The following DPP8 variants were observed in gnomAD, a reference collection of about 807,000 sequenced individuals.
DPP8 encodes DPP VIII.
In DPP8, 31 loss-of-function variants were observed where a neutral mutation model predicts 107.5. The observed-to-expected ratio is 0.29, with a 90% CI of 0.22 to 0.39. The LOEUF is 0.39. Ranked by LOEUF, DPP8 falls within the 10% of genes least tolerant of loss-of-function variation. DPP8 has a pLI of 1.00. For missense variants in DPP8, 842 were observed against 1,076.1 expected (o/e 0.78, Z 3.04); for synonymous variants, 381 against 356.6 (o/e 1.07, Z -0.77).
intron 3 of DPP8, among the ~76,000 whole-genome samples, chr15:65,502,387 A>G (rs989252150): frequency 4.6e-5 from 7 of 152,018 alleles, no homozygotes; most frequent in African/African-American, 1.7e-4. Context: ...TCTCTCAAAG[A>G]AAGTTTGTGG....
At chr15:65,493,050 TTTTC>T (rs1260590786) in intron 5 of DPP8, among the ~76,000 whole-genome samples, 4 of 152,090 alleles carry the variant, frequency 2.6e-5, no homozygotes, top group East Asian at 1.9e-4. Flanking sequence ...GGGAGAGCTC[TTTTC>T]TTTCTTTTCT....
intron 11 of DPP8, among the ~76,000 whole-genome samples, chr15:65,478,551 C>T (rs1394106255): frequency 2.0e-5 from 3 of 152,296 alleles, no homozygotes; most frequent in South Asian, 2.1e-4. Flanking sequence ...TGAGCCACTG[C>T]ACCCAGCCAA....
intron 9 of DPP8, among the ~76,000 whole-genome samples, 178 bp downstream of exon 9, chr15:65,481,337 T>C (rs1334322887): frequency 3.3e-5 from 5 of 152,206 alleles, no homozygotes; most frequent in Non-Finnish European, 7.3e-5. Flanking sequence ...CCTATGCCTA[T>C]AGGATTACAA....
intron 14 of DPP8, among the ~76,000 whole-genome samples, chr15:65,465,448 A>C (rs937291101): frequency 6.6e-6 from 1 of 150,900 alleles, no homozygotes; most frequent in African/African-American, 2.4e-5. Context: ...GATTACAGGC[A>C]TGAGCCACTA....
chr15:65,448,225 A>G (rs1167740505), intron 19 of DPP8, among the ~76,000 whole-genome samples: 1 of 151,984 alleles, frequency 6.6e-6, no homozygotes, highest in Admixed American at 6.6e-5. Context: ...TTTAAAAAAA[A>G]TAAATAAAAA....
intron 15 of DPP8, 22 bp downstream of exon 15, chr15:65,463,739 A>G: frequency 6.3e-7 from 1 of 1,584,112 alleles, no homozygotes; most frequent in South Asian, 1.1e-5. Context: ...GTGTATGTAT[A>G]TATGTATATA....
At chr15:65,473,686 T>G (rs551995166) in intron 12 of DPP8, among the ~76,000 whole-genome samples, 17 of 152,034 alleles carry the variant, frequency 1.1e-4, no homozygotes, top group Non-Finnish European at 1.5e-4. Context: ...GAAAAGAAAA[T>G]AACCTTTGGT....
intron 15 of DPP8, among the ~76,000 whole-genome samples, chr15:65,457,126 G>A (rs1042161172): frequency 3.3e-5 from 5 of 152,094 alleles, no homozygotes; most frequent in African/African-American, 4.8e-5. Flanking sequence ...AGGCTGAAGC[G>A]GGTGGATCAC....
At chr15:65,456,083 C>A in intron 16 of DPP8, 142 bp downstream of exon 16, 1 of 1,066,418 alleles carries the variant, frequency 9.4e-7, no homozygotes, top group Non-Finnish European at 1.3e-6. Flanking sequence ...CATCTTCTCT[C>A]CCACCCCCAA....
chr15:65,457,080 C>T (rs937552804), intron 15 of DPP8, among the ~76,000 whole-genome samples: 3 of 152,140 alleles, frequency 2.0e-5, no homozygotes, highest in African/African-American at 7.2e-5. Context: ...TTGGGCTGAG[C>T]GTGGTGGTTC....
At chr15:65,496,631 A>G (rs1406184590) in intron 5 of DPP8, among the ~76,000 whole-genome samples, 1 of 152,148 alleles carries the variant, frequency 6.6e-6, no homozygotes, top group Non-Finnish European at 1.5e-5. Flanking sequence ...ACAATAACTA[A>G]GTAGGCTCTC....
chr15:65,516,476 A>C (rs570024955), intron 1 of DPP8: 1 of 151,918 alleles, frequency 6.6e-6, no homozygotes, highest in Admixed American at 6.6e-5. Flanking sequence ...CTGTTACTCT[A>C]TAAGTTTTAA....
In DPP8 at chr15:65,475,533, C is replaced by T. The variant is rs920652046; in HGVS notation, c.1457-1245G>A. ...CCTGCCATAAAGGCATTAAAACCAG[C>T]CCGGTGCAATCCATCCCCAGGCACT... is the stretch of plus-strand genomic sequence containing the variant. On this transcript the variant is annotated intron_variant, in intron 11 of 19. Transcript: ENST00000300141. 1.1e-5 allele frequency: 15 copies of T among 1,359,862 alleles called. No homozygotes were observed. The Admixed American group carries it at 2.4e-4, about 22-fold the overall frequency. 84.2% of individuals were successfully genotyped at this position (1,359,862 alleles called of 1,614,324 possible).
At chr15:65,508,681 T>C (rs1567293089) in intron 2 of DPP8, among the ~76,000 whole-genome samples, 1 of 152,030 alleles carries the variant, frequency 6.6e-6, no homozygotes. Flanking sequence ...GGAGAAACCC[T>C]GCCTCTACTA....
At chr15:65,511,608 C>G (rs2070776615) in intron 2 of DPP8, among the ~76,000 whole-genome samples, 1 of 145,304 alleles carries the variant, frequency 6.9e-6, no homozygotes, top group Admixed American at 7.0e-5. Flanking sequence ...CCACTGCACT[C>G]CAACCTGGGT....
At position 65,500,684 on chromosome 15, in the gene DPP8, G is replaced by A. The variant is rs1430276734; in HGVS notation, c.468C>T (p.His156=). 1 of 1,613,754 alleles carries A rather than the reference G, an allele frequency of 6.2e-7. No individual in the cohort carries two copies. Among genetic ancestry groups the A allele is most frequent in the Non-Finnish European group, 8.5e-7 (1 of 1,179,784 alleles). Residue 156 remains histidine (H), a synonymous_variant, in exon 4 of 20, where the codon CAC becomes CAT. Transcript: ENST00000300141. Reference sequence around the variant, plus strand: ...GAAACAGAAATGTTCCACTTCCTTGGTGATAATCGTAAGAAGCAATTCCGA... The same window carrying A: ...GAAACAGAAATGTTCCACTTCCTTGATGATAATCGTAAGAAGCAATTCCGA... The part of the protein sequence containing the change: ...GTVGIASYDY[H]QGSGTFLFQA...
In DPP8 at chr15:65,446,636, T is replaced by TTTTTA; in HGVS notation, c.*247_*248insTAAAA. 5.7e-6 allele frequency: 1 copy of TTTTTA among 176,840 alleles called. No homozygotes were observed. The highest frequency in any genetic ancestry group is 1.2e-5 in the Non-Finnish European group (1 of 85,734). The allele number at this position is 176,840 out of a possible 1,614,324, so 11.0% of individuals were successfully genotyped here. A position where few individuals can be genotyped will look rare whatever the true frequency, so the allele number is the denominator to read the frequency against. ...AATGTCTTTTTTTTTTTTTTTTTTT[T>TTTTTA]AGTAATTCTTATGGTATTGCTGGGT... On this transcript the variant is annotated 3_prime_UTR_variant, in exon 20 of 20. Transcript: ENST00000300141.
In DPP8 at chr15:65,485,265, C is replaced by T. The variant is rs562478692; in HGVS notation, c.956-105G>A. The stretch of plus-strand genomic sequence containing the variant: ...CTTTAGTTAAGAATAACGTATAGGT[C>T]GGGTGCAGTGGCTCACGCCTGTAAT... On this transcript the variant is annotated intron_variant, in intron 7 of 19. Coordinates refer to ENST00000300141, the MANE Select transcript of DPP8 (RefSeq NM_130434.5). The T allele has an allele frequency of 5.0e-5, 42 of 847,236 alleles. No individual in the cohort carries two copies. In the African/African-American group the frequency reaches 5.1e-4, roughly 10 times the overall value. The allele number at this position is 847,236 out of a possible 1,614,324, so 52.5% of individuals were successfully genotyped here.
At chr15:65,480,791 C>A (rs934685902) in intron 9 of DPP8, among the ~76,000 whole-genome samples, 5 of 151,988 alleles carry the variant, frequency 3.3e-5, no homozygotes, top group African/African-American at 7.3e-5. Flanking sequence ...CAGAGAGAGA[C>A]CCTGTCTATA....
Sources: gnomAD v4.1 joint callset for allele counts (sites outside exome capture counted in the v4.1 genomes callset) on GRCh38, gnomAD v4.1.1 for gene constraint, MANE v1.5 for transcripts, NCBI Gene and HGNC (gene_info 2026-07-23, HGNC 2026-07-21) for gene names.